CSMD1: variants seen among roughly 807,000 people sequenced by gnomAD.
The protein encoded by CSMD1 is CUB and Sushi multiple domains 1.
Under a neutral mutation model 417.5 loss-of-function variants are expected in CSMD1, and 213 were observed. The ratio of observed to expected loss-of-function variants is 0.51; its 90% confidence interval spans 0.46 to 0.57. The LOEUF is 0.57. Ranked by LOEUF, CSMD1 falls within the 20% of genes least tolerant of loss-of-function variation. The pLI is 0.00. For synonymous variants in CSMD1, 2,862 were observed against 1,736.8 expected, an observed-to-expected ratio of 1.65 and a Z score of -16.11; for missense variants, 6,923 against 4,529.7, an observed-to-expected ratio of 1.53 and a Z score of -15.17.
chr8:4,439,013 A>G (rs1365711263), intron 2 of CSMD1, among the ~76,000 whole-genome samples: 2 of 152,168 alleles, frequency 1.3e-5, no homozygotes, highest in African/African-American at 4.8e-5. Context: ...TCATTTCAGA[A>G]CTGAATAATA....
intron 1 of CSMD1, among the ~76,000 whole-genome samples, chr8:4,638,298 C>T (rs537237587): frequency 3.7e-4 from 56 of 152,204 alleles, no homozygotes; most frequent in Admixed American, 2.4e-3. Context: ...CACCTAGCCA[C>T]ATAACTGCAA....
At chr8:3,698,464 A>G (rs1800676154) in intron 7 of CSMD1, among the ~76,000 whole-genome samples, 1 of 152,190 alleles carries the variant, frequency 6.6e-6, no homozygotes, top group Non-Finnish European at 1.5e-5. Context: ...TATTTTTCCT[A>G]CCGTCAAAAT....
At chr8:4,332,322 T>C (rs1045071576) in intron 3 of CSMD1, among the ~76,000 whole-genome samples, 12 of 152,044 alleles carry the variant, frequency 7.9e-5, no homozygotes, top group Admixed American at 4.6e-4. Context: ...TCCTTTCTCA[T>C]ATGAGGATCA....
intron 2 of CSMD1, among the ~76,000 whole-genome samples, chr8:4,496,702 GCATT>G (rs1275547677): frequency 6.6e-6 from 1 of 152,086 alleles, no homozygotes; most frequent in African/African-American, 2.4e-5. Context: ...CACAGCACTT[GCATT>G]CAATCATCAG....
At chr8:4,020,081 T>C (rs970182703) in intron 4 of CSMD1, among the ~76,000 whole-genome samples, 3 of 152,210 alleles carry the variant, frequency 2.0e-5, no homozygotes, top group South Asian at 2.1e-4. Context: ...ACAGTAATTA[T>C]AGCAGCTGAT....
At chr8:3,945,656 A>C (rs1811176615) in intron 5 of CSMD1, among the ~76,000 whole-genome samples, 1 of 152,106 alleles carries the variant, frequency 6.6e-6, no homozygotes, top group Non-Finnish European at 1.5e-5. Flanking sequence ...CTGATGTATT[A>C]TTTTACTTAG....
At chr8:4,060,605 C>T (rs1285366299) in intron 3 of CSMD1, among the ~76,000 whole-genome samples, 1 of 152,122 alleles carries the variant, frequency 6.6e-6, no homozygotes, top group Non-Finnish European at 1.5e-5. Context: ...TCGGAACTGT[C>T]CCAGCCACCT....
At chr8:3,732,131 G>C (rs1467307880) in intron 6 of CSMD1, among the ~76,000 whole-genome samples, 3 of 152,200 alleles carry the variant, frequency 2.0e-5, no homozygotes, top group African/African-American at 7.2e-5. Flanking sequence ...AGGGCTCCTA[G>C]CGGAAGCCAC....
chr8:4,246,364 G>C (rs1183392421), intron 3 of CSMD1, among the ~76,000 whole-genome samples: 2 of 152,166 alleles, frequency 1.3e-5, no homozygotes, highest in Non-Finnish European at 2.9e-5. Flanking sequence ...GTCCTTAGAA[G>C]AGTAGTTCTT....
At chr8:4,355,325 GCA>G (rs34254586) in intron 3 of CSMD1, among the ~76,000 whole-genome samples, 4 of 148,670 alleles carry the variant, frequency 2.7e-5, no homozygotes, top group Admixed American at 6.7e-5. Flanking sequence ...ACACACACAC[GCA>G]CACACACACA....
intron 52 of CSMD1, among the ~76,000 whole-genome samples, chr8:3,017,448 A>C (rs376602031): frequency 7.9e-5 from 12 of 152,240 alleles, no homozygotes; most frequent in African/African-American, 2.7e-4. Flanking sequence ...ACACATATGC[A>C]CACACTCATA....
At chr8:3,834,650 C>A (rs545637617) in intron 5 of CSMD1, among the ~76,000 whole-genome samples, 1 of 152,166 alleles carries the variant, frequency 6.6e-6, no homozygotes, top group Non-Finnish European at 1.5e-5. Context: ...AGTAAATTAT[C>A]AAACCTGATG....
At chr8:4,146,220 T>C (rs747482207) in intron 3 of CSMD1, among the ~76,000 whole-genome samples, 2 of 151,024 alleles carry the variant, frequency 1.3e-5, no homozygotes, top group Non-Finnish European at 2.9e-5. Flanking sequence ...TTTGGAAACA[T>C]GAACTTGGAG....
At chr8:3,667,921 C>T (rs1029046150) in intron 7 of CSMD1, among the ~76,000 whole-genome samples, 2 of 152,114 alleles carry the variant, frequency 1.3e-5, no homozygotes, top group Non-Finnish European at 2.9e-5. Flanking sequence ...GTTGCGGAGA[C>T]ACCACTGGTG....
chr8:4,077,630 A>G (rs528432324), intron 3 of CSMD1, among the ~76,000 whole-genome samples: 1 of 152,170 alleles, frequency 6.6e-6, no homozygotes, highest in South Asian at 2.1e-4. Context: ...AGGTCAGTAG[A>G]TCCACCCGGG....
chr8:4,501,193 T>C (rs1394109351), intron 2 of CSMD1, among the ~76,000 whole-genome samples: 2 of 152,132 alleles, frequency 1.3e-5, no homozygotes, highest in Non-Finnish European at 2.9e-5. Flanking sequence ...TGTGTATATA[T>C]ACACATATAT....
intron 3 of CSMD1, among the ~76,000 whole-genome samples, chr8:4,383,222 G>A (rs1424417835): frequency 1.3e-5 from 2 of 152,174 alleles, no homozygotes; most frequent in Non-Finnish European, 2.9e-5. Flanking sequence ...GTATGTTAAT[G>A]GTGGTTTTGG....
chr8:3,706,277 G>A (rs1436837493), intron 7 of CSMD1, among the ~76,000 whole-genome samples: 5 of 152,198 alleles, frequency 3.3e-5, no homozygotes, highest in Admixed American at 1.3e-4. Flanking sequence ...TTGTGTAAGC[G>A]ATGACATTTG....
chr8:4,444,990 C>G (rs899398082), intron 2 of CSMD1, among the ~76,000 whole-genome samples: 1 of 152,322 alleles, frequency 6.6e-6, no homozygotes, highest in South Asian at 2.1e-4. Context: ...TTTCCCTTCT[C>G]TTGCATTTGA....
Sources: gnomAD v4.1 joint callset for allele counts (sites outside exome capture counted in the v4.1 genomes callset) on GRCh38, gnomAD v4.1.1 for gene constraint, MANE v1.5 for transcripts, NCBI Gene and HGNC (gene_info 2026-07-23, HGNC 2026-07-21) for gene names.